The following IQCM variants were observed in gnomAD, a reference collection of about 807,000 sequenced individuals.
IQCM encodes IQ motif containing M.
In IQCM, 45 loss-of-function variants were observed where a neutral mutation model predicts 57.6. The observed-to-expected ratio is 0.78, with a 90% CI of 0.62 to 1.00. IQCM has a LOEUF of 1.00. Ranked by LOEUF, IQCM falls within the 50% of genes least tolerant of loss-of-function variation. The pLI, the probability that IQCM is intolerant of heterozygous loss-of-function variation, is 0.00. For synonymous variants in IQCM, 148 were observed against 158.9 expected, an observed-to-expected ratio of 0.93 and a Z score of 0.51; for missense variants, 468 against 511.6, an observed-to-expected ratio of 0.91 and a Z score of 0.82.
chr4:149,572,477 C>A (rs1386979561), intron 9 of IQCM, among the ~76,000 whole-genome samples: 1 of 151,444 alleles, frequency 6.6e-6, no homozygotes, highest in Non-Finnish European at 1.5e-5. Flanking sequence ...TTCCAGCAAC[C>A]AAACCTGTCT....
At chr4:149,517,549 A>C (rs2149822028) in intron 12 of IQCM, among the ~76,000 whole-genome samples, 1 of 152,290 alleles carries the variant, frequency 6.6e-6, no homozygotes, top group Admixed American at 6.5e-5. Context: ...GTTCAAGTTG[A>C]CAAGGGGTAG....
intron 13 of IQCM, among the ~76,000 whole-genome samples, chr4:149,393,453 A>T (rs1732004272): frequency 1.3e-5 from 2 of 151,880 alleles, no homozygotes; most frequent in African/African-American, 4.8e-5. Flanking sequence ...GCATTTTTTT[A>T]AAAAGAATAT....
chr4:149,578,774 A>G (rs1751898080), intron 9 of IQCM, among the ~76,000 whole-genome samples: 1 of 151,900 alleles, frequency 6.6e-6, no homozygotes, highest in African/African-American at 2.4e-5. Context: ...AACCACGTAT[A>G]TATCAGGGAC....
At chr4:149,654,633 G>A (rs891691761) in intron 7 of IQCM, among the ~76,000 whole-genome samples, 2 of 152,096 alleles carry the variant, frequency 1.3e-5, no homozygotes, top group African/African-American at 2.4e-5. Context: ...CTTCTTTATA[G>A]CAATGCAAGA....
chr4:149,389,536 T>G (rs1428846271), intron 13 of IQCM, among the ~76,000 whole-genome samples: 1 of 151,828 alleles, frequency 6.6e-6, no homozygotes, highest in South Asian at 2.1e-4. Flanking sequence ...CCATAAAAAA[T>G]GATGAGTTCA....
intron 2 of IQCM, among the ~76,000 whole-genome samples, chr4:149,757,667 A>C (rs1490265088): frequency 6.6e-6 from 1 of 152,158 alleles, no homozygotes; most frequent in African/African-American, 2.4e-5. Flanking sequence ...CTAACAAAAT[A>C]GTTCCAAACT....
rs185482574 is a variant in IQCM, at chr4:149,768,238, A to G, written c.-48-25499T>C. ...ATGCCTTCAGCAAAGACATAATTTC[A>G]AAATCCTTCTGAAATTTGGACATTG... is the stretch of plus-strand genomic sequence containing the variant. On this transcript the variant is annotated intron_variant, in intron 2 of 13. Coordinates refer to ENST00000636793, the MANE Select transcript of IQCM (RefSeq NM_001363507.2). Among the ~76,000 whole-genome samples the G allele has an allele frequency of 1.1e-4, 17 of 152,294 alleles. No individual in the cohort carries two copies. The East Asian group carries it at 3.3e-3, about 29-fold the overall frequency.
At position 149,735,390 on chromosome 4, in the gene IQCM, C is replaced by T. The variant is rs1410716342; in HGVS notation, c.106G>A (p.Glu36Lys). ...AAAGGACTAACCTCATTTATTTTCT[C>T]ATAATGTTGGGCAATGAGAGTTTTT... ...EAKTLIAQHYEKINENKVQGT... is the reference protein window; with the variant it reads ...EAKTLIAQHYKKINENKVQGT... Residue 36 changes from glutamate to lysine, a missense_variant, in exon 4 of 14, where the codon GAG becomes AAG. Glu to Lys is a moderately conservative substitution (Grantham distance 56). Coordinates refer to ENST00000636793, the MANE Select transcript of IQCM (RefSeq NM_001363507.2). The T allele has an allele frequency of 1.6e-6, 2 of 1,227,452 alleles. No homozygotes were observed. Among genetic ancestry groups the T allele is most frequent in the African/African-American group, 1.6e-5 (1 of 64,284 alleles). 76.0% of individuals were successfully genotyped at this position (1,227,452 alleles called of 1,614,324 possible).
At chr4:149,812,510 A>G (rs1774670985) in intron 2 of IQCM, among the ~76,000 whole-genome samples, 2 of 137,634 alleles carry the variant, frequency 1.5e-5, no homozygotes, top group Non-Finnish European at 3.2e-5. Flanking sequence ...ACAGACACAC[A>G]CACACACACA....
At chr4:149,486,791 G>A (rs1741570376) in intron 12 of IQCM, among the ~76,000 whole-genome samples, 1 of 152,034 alleles carries the variant, frequency 6.6e-6, no homozygotes, top group African/African-American at 2.4e-5. Flanking sequence ...TCCTCAGGTT[G>A]TAGTGAATGT....
chr4:149,616,763 A>G (rs1266841640), intron 8 of IQCM, among the ~76,000 whole-genome samples: 1 of 152,052 alleles, frequency 6.6e-6, no homozygotes, highest in African/African-American at 2.4e-5. Flanking sequence ...GAGGGAGAGC[A>G]TAAGGACAAA....
At chr4:149,378,349 G>C (rs113434658) in intron 13 of IQCM, among the ~76,000 whole-genome samples, 1 of 152,104 alleles carries the variant, frequency 6.6e-6, no homozygotes, top group Non-Finnish European at 1.5e-5. Context: ...GAAAAAGATA[G>C]GAAAATGTGC....
chr4:149,713,388 G>A (rs1764724948), intron 5 of IQCM, among the ~76,000 whole-genome samples: 1 of 152,090 alleles, frequency 6.6e-6, no homozygotes, highest in African/African-American at 2.4e-5. Context: ...CAAAGCCCTA[G>A]TTAAATGTCT....
In IQCM at chr4:149,754,374, T is replaced by A. The variant is rs769009621; in HGVS notation, c.-48-11635A>T. The stretch of plus-strand genomic sequence containing the variant: ...CAGCTCAATTTCTCCCTCTGACAAT[T>A]CCTGCTTTCTTCCCTTTCGAAATCC... On this transcript the variant is annotated intron_variant, in intron 2 of 13. Transcript: ENST00000636793. Among the ~76,000 whole-genome samples, 57 of 152,284 alleles carry A rather than the reference T, an allele frequency of 3.7e-4. 1 individual carries two copies. The highest frequency in any genetic ancestry group is 6.8e-4 in the Non-Finnish European group (46 of 68,028).
intron 5 of IQCM, among the ~76,000 whole-genome samples, chr4:149,721,237 G>A (rs980966052): frequency 6.6e-6 from 1 of 152,010 alleles, no homozygotes; most frequent in African/African-American, 2.4e-5. Flanking sequence ...AAGAATACAA[G>A]AGTATGTGCT....
chr4:149,576,274 AAGT>A lies in IQCM; in HGVS notation c.749+11653_749+11655del, dbSNP rs557050290. 1.6e-3 allele frequency among the ~76,000 whole-genome samples: 247 copies of A among 151,818 alleles called. 1 individual carries two copies. Among genetic ancestry groups the A allele is most frequent in the African/African-American group, 5.4e-3 (224 of 41,478 alleles). ...CCAAGTAATAAGCACAGTACCCAAA[AAGT>A]AGTTTTTTGATCCTCACCCTCCTCC... On this transcript the variant is annotated intron_variant, in intron 9 of 13. Transcript: ENST00000636793.
chr4:149,662,519 C>T (rs1432629082), intron 7 of IQCM, among the ~76,000 whole-genome samples: 1 of 151,626 alleles, frequency 6.6e-6, no homozygotes, highest in South Asian at 2.1e-4. Flanking sequence ...TGTTAAAGTG[C>T]TCTACTAATT....
rs186873916 is a variant in IQCM, at chr4:149,419,573, T to C, written c.1390+13823A>G. On this transcript the variant is annotated intron_variant, in intron 13 of 13. Transcript: ENST00000636793. ...AATCTAGGCAATACCATTCAGGACA[T>C]AGGCATGGGCAAAGATTTCATGATG... 2.6e-5 allele frequency among the ~76,000 whole-genome samples: 4 copies of C among 152,210 alleles called. No homozygotes were observed. The East Asian group carries it at 5.8e-4, about 22-fold the overall frequency.
At position 149,664,824 on chromosome 4, in the gene IQCM, G is replaced by C. The variant is rs562246257; in HGVS notation, c.565+17294C>G. Among the ~76,000 whole-genome samples, 5 of 152,206 alleles carry C rather than the reference G, an allele frequency of 3.3e-5. No homozygotes were observed. The East Asian group carries it at 9.7e-4, about 30-fold the overall frequency. On this transcript the variant is annotated intron_variant, in intron 7 of 13. Transcript: ENST00000636793. Reference sequence around the variant, plus strand: ...TGGGTTGGTCTCTCCAGAGAGGCAGGGACACCACTGTTCTGGTTTTCAAGC... The same window carrying C: ...TGGGTTGGTCTCTCCAGAGAGGCAGCGACACCACTGTTCTGGTTTTCAAGC...
Sources: allele counts gnomAD v4.1 joint callset (sites outside exome capture counted in the v4.1 genomes callset), GRCh38; gene constraint gnomAD v4.1.1; transcripts MANE v1.5; gene names NCBI Gene and HGNC (gene_info 2026-07-23, HGNC 2026-07-21).